The following YEATS4 variants were observed in gnomAD, a reference collection of about 807,000 sequenced individuals.
YEATS4 encodes the protein YEATS domain-containing protein 4.
YEATS4 carries 17 observed loss-of-function variants against 30.1 expected under a neutral mutation model. That is an observed-to-expected ratio of 0.56 (90% confidence interval 0.39 to 0.85). The LOEUF (loss-of-function observed/expected upper bound fraction) is 0.85, where lower values mean the gene tolerates loss of function less well. Ranked by LOEUF, YEATS4 falls within the 40% of genes least tolerant of loss-of-function variation. The probability of loss-of-function intolerance (pLI) is 0.00; values close to 1 mark genes in which losing one functional copy is unlikely to be tolerated. For missense variants in YEATS4, 142 were observed against 268.3 expected, an observed-to-expected ratio of 0.53 and a Z score of 3.29; for synonymous variants, 85 against 87.5, an observed-to-expected ratio of 0.97 and a Z score of 0.16.
chr12:69,361,674 A>G (rs1875216028), intron 1 of YEATS4, among the ~76,000 whole-genome samples: 1 of 152,238 alleles, frequency 6.6e-6, no homozygotes, highest in African/African-American at 2.4e-5. Context: ...TTCTTCAGAT[A>G]CATTTCTGTA....
chr12:69,420,826 C>G, the YEATS4 span, among the ~76,000 whole-genome samples: 4 of 152,184 alleles, frequency 2.6e-5, no homozygotes, highest in Non-Finnish European at 5.9e-5. Context: ...CTCCCAGCCC[C>G]CAGTGCTCAC....
chr12:69,368,290 G>C (rs1875516838), intron 4 of YEATS4, among the ~76,000 whole-genome samples: 1 of 152,272 alleles, frequency 6.6e-6, no homozygotes, highest in East Asian at 1.9e-4. Context: ...ACTATAAAAA[G>C]AATGGTTGTT....
intron 1 of YEATS4, among the ~76,000 whole-genome samples, chr12:69,360,321 G>T (rs896148392): frequency 6.6e-6 from 1 of 152,202 alleles, no homozygotes; most frequent in Admixed American, 6.5e-5. Flanking sequence ...GGCTGGGAAA[G>T]CTCAGCTTGG....
downstream of YEATS4, among the ~76,000 whole-genome samples, chr12:69,392,587 A>C (rs1315527623): frequency 6.6e-6 from 1 of 152,264 alleles, no homozygotes; most frequent in Non-Finnish European, 1.5e-5. Flanking sequence ...TAATTTCTTC[A>C]TCTAGACAAT....
At chr12:69,361,814 G>T (rs1180789618) in intron 1 of YEATS4, among the ~76,000 whole-genome samples, 1 of 152,178 alleles carries the variant, frequency 6.6e-6, no homozygotes, top group Non-Finnish European at 1.5e-5. Flanking sequence ...AAATATGTAT[G>T]TTAAACTAAG....
intron 2 of YEATS4, among the ~76,000 whole-genome samples, chr12:69,364,576 A>G (rs1353387999): frequency 1.3e-5 from 2 of 152,158 alleles, no homozygotes; most frequent in Non-Finnish European, 2.9e-5. Flanking sequence ...GTATTCAACA[A>G]TCTTAGATTG....
intron 6 of YEATS4, among the ~76,000 whole-genome samples, chr12:69,379,778 T>C (rs1876003089): frequency 6.6e-6 from 1 of 151,872 alleles, no homozygotes; most frequent in Non-Finnish European, 1.5e-5. Context: ...CTAGAACTTG[T>C]AGATGTGCTT....
In YEATS4 at chr12:69,380,715, A is replaced by G. The variant is rs542086956; in HGVS notation, c.515-9432A>G. On this transcript the variant is annotated intron_variant, in intron 6 of 6. Coordinates refer to ENST00000247843, the MANE Select transcript of YEATS4 (RefSeq NM_006530.4). ...ATATCGGGTGAAATTCACCCCCAAT[A>G]TTTCACGTAGGTTCTTTCCTATTTT... Among the ~76,000 whole-genome samples, 346 of 152,236 alleles carry G rather than the reference A, an allele frequency of 2.3e-3. 1 individual carries two copies. The highest frequency in any genetic ancestry group is 3.1e-3 in the Non-Finnish European group (213 of 68,010).
chr12:69,364,372 T>C (rs1875348586), intron 2 of YEATS4: 1 of 185,652 alleles, frequency 5.4e-6, no homozygotes, highest in Non-Finnish European at 1.2e-5. Context: ...ATAAGTAATT[T>C]AAAAATTCCT....
At chr12:69,402,938 G>C in the YEATS4 span, among the ~76,000 whole-genome samples, 1 of 151,892 alleles carries the variant, frequency 6.6e-6, no homozygotes, top group Non-Finnish European at 1.5e-5. Flanking sequence ...GGTCAGGCTG[G>C]TCTTGAACTC....
chr12:69,420,059 T>C, the YEATS4 span, among the ~76,000 whole-genome samples: 4 of 152,168 alleles, frequency 2.6e-5, no homozygotes, highest in African/African-American at 9.7e-5. Flanking sequence ...CCAACAGTGG[T>C]GTGGAAAAGG....
chr12:69,409,107 A>G, the YEATS4 span, among the ~76,000 whole-genome samples: 1 of 152,192 alleles, frequency 6.6e-6, no homozygotes, highest in Non-Finnish European at 1.5e-5. Flanking sequence ...TTAACAGTGT[A>G]GGCTTTGGAG....
At chr12:69,423,230 G>A in the YEATS4 span, among the ~76,000 whole-genome samples, 5 of 152,106 alleles carry the variant, frequency 3.3e-5, no homozygotes, top group African/African-American at 1.2e-4. Context: ...CACAACCATA[G>A]GGATTTTTCA....
chr12:69,412,872 A>G, the YEATS4 span, among the ~76,000 whole-genome samples: 2 of 152,016 alleles, frequency 1.3e-5, no homozygotes, highest in Non-Finnish European at 2.9e-5. Flanking sequence ...GGTGACATTG[A>G]AGCTGAGGCT....
At chr12:69,398,729 C>T in the YEATS4 span, among the ~76,000 whole-genome samples, 8 of 149,616 alleles carry the variant, frequency 5.3e-5, no homozygotes, top group Non-Finnish European at 8.9e-5. Context: ...GTGGGAGGAT[C>T]GCTTGAGCCC....
At chr12:69,380,966 G>A (rs1453203550) in intron 6 of YEATS4, among the ~76,000 whole-genome samples, 1 of 152,140 alleles carries the variant, frequency 6.6e-6, no homozygotes, top group Non-Finnish European at 1.5e-5. Context: ...GATATCACAA[G>A]GCAAATGGAG....
the YEATS4 span, among the ~76,000 whole-genome samples, chr12:69,399,286 G>A: frequency 2.0e-5 from 3 of 150,676 alleles, no homozygotes; most frequent in African/African-American, 7.3e-5. Context: ...CGAGTATCCA[G>A]AATATATAAA....
chr12:69,424,287 G>A, the YEATS4 span, among the ~76,000 whole-genome samples: 6 of 152,084 alleles, frequency 3.9e-5, no homozygotes, highest in Non-Finnish European at 5.9e-5. Context: ...TTGAGGGAGC[G>A]AAAGATCCTA....
Position 69,390,186 on chromosome 12 carries a change from C to T in YEATS4, c.554C>T (p.Ala185Val), listed in dbSNP as rs867953107. Residue 185 changes from alanine (A) to valine (V), a missense_variant, in exon 7 of 7, where the codon GCT becomes GTT. By Grantham distance (64) the Ala-to-Val change is moderately conservative. Transcript: ENST00000247843. Reference protein sequence around the residue: ...LEVKTREKLEAAKKKTSFEIA... With the variant: ...LEVKTREKLEVAKKKTSFEIA... ...GTGAAAACCAGAGAAAAATTAGAAGCTGCTAAGAAAAAAACAAGCTTTGAG... is the reference window on the plus strand; with the variant it reads ...GTGAAAACCAGAGAAAAATTAGAAGTTGCTAAGAAAAAAACAAGCTTTGAG... 2 of 1,594,878 alleles carry T rather than the reference C, an allele frequency of 1.3e-6. No homozygotes were observed. The highest frequency in any genetic ancestry group is 4.5e-5 in the East Asian group (2 of 44,584).
Sources: gnomAD v4.1 joint callset for allele counts (sites outside exome capture counted in the v4.1 genomes callset) on GRCh38, gnomAD v4.1.1 for gene constraint, MANE v1.5 for transcripts, NCBI Gene and HGNC (gene_info 2026-07-23, HGNC 2026-07-21) for gene names.